Variants in ERCC8 observed in about 807,000 individuals in gnomAD.
ERCC8 encodes DNA excision repair protein ERCC-8.
A neutral mutation model predicts 54.9 loss-of-function variants in ERCC8; 52 were observed. The ratio of observed to expected loss-of-function variants is 0.95; its 90% CI spans 0.76 to 1.19. ERCC8 has a LOEUF of 1.19. ERCC8 is among the 50% of genes most tolerant of loss of function. The pLI is 0.00. For synonymous variants in ERCC8, 146 were observed against 157.2 expected, an observed-to-expected ratio of 0.93 and a Z score of 0.53; for missense variants, 514 against 466.1, an observed-to-expected ratio of 1.10 and a Z score of -0.95.
chr5:60,885,149 C>T (rs1748359195), intron 11 of ERCC8, among the ~76,000 whole-genome samples: 1 of 151,836 alleles, frequency 6.6e-6, no homozygotes, highest in South Asian at 2.1e-4. Context: ...GTAGCTGGAA[C>T]TATAAGTGTA....
chr5:60,875,304 T>A (rs1178470001), intron 11 of ERCC8, among the ~76,000 whole-genome samples: 1 of 152,218 alleles, frequency 6.6e-6, no homozygotes, highest in African/African-American at 2.4e-5. Context: ...CAGTAAAACA[T>A]GCAAAATACG....
At chr5:60,938,073 ATATATATATATATTTTATTTT>A (rs1750135387) in intron 1 of ERCC8, among the ~76,000 whole-genome samples, 3 of 30,668 alleles carry the variant, frequency 9.8e-5, no homozygotes, top group African/African-American at 6.0e-4. Flanking sequence ...ATATATATAT[ATATATATATATATTTTATTTT>A]TTTTTTTTTT....
At chr5:60,919,919 A>G (rs1749553893) in intron 3 of ERCC8, among the ~76,000 whole-genome samples, 1 of 151,978 alleles carries the variant, frequency 6.6e-6, no homozygotes, top group Admixed American at 6.6e-5. Flanking sequence ...AAATGGGTGG[A>G]TTGTAGGGAA....
chr5:60,901,065 A>G (rs1157397499), intron 7 of ERCC8, among the ~76,000 whole-genome samples: 1 of 152,036 alleles, frequency 6.6e-6, no homozygotes, highest in Non-Finnish European at 1.5e-5. Context: ...CAACTTAAAA[A>G]AAAATCCAGA....
chr5:60,895,301 A>G (rs1439067589), intron 9 of ERCC8, among the ~76,000 whole-genome samples: 1 of 152,112 alleles, frequency 6.6e-6, no homozygotes, highest in African/African-American at 2.4e-5. Context: ...TAATCTATGG[A>G]TACTATACTT....
intron 11 of ERCC8, among the ~76,000 whole-genome samples, chr5:60,886,886 AG>A (rs1343895003): frequency 2.0e-5 from 3 of 152,060 alleles, no homozygotes; most frequent in Non-Finnish European, 4.4e-5. Flanking sequence ...AATAATCAAC[AG>A]AAATGCCTCC....
At chr5:60,926,399 C>T (rs922968022) in intron 2 of ERCC8, among the ~76,000 whole-genome samples, 2 of 152,100 alleles carry the variant, frequency 1.3e-5, no homozygotes, top group African/African-American at 4.8e-5. Context: ...TATCTTGTGA[C>T]CCAGTCACAA....
chr5:60,936,248 G>T (rs1750062673), intron 1 of ERCC8, among the ~76,000 whole-genome samples: 1 of 152,052 alleles, frequency 6.6e-6, no homozygotes, highest in African/African-American at 2.4e-5. Context: ...AATCTAGGAG[G>T]GTTGCGTATT....
chr5:60,927,674 C>T (rs865869994), intron 2 of ERCC8, among the ~76,000 whole-genome samples: 1 of 152,164 alleles, frequency 6.6e-6, no homozygotes, highest in Non-Finnish European at 1.5e-5. Context: ...ACTTTCCTGA[C>T]CAGCATCCAA....
At chr5:60,878,335 T>C (rs1748083606) in intron 11 of ERCC8, among the ~76,000 whole-genome samples, 1 of 152,200 alleles carries the variant, frequency 6.6e-6, no homozygotes, top group African/African-American at 2.4e-5. Flanking sequence ...AAATTCTCTT[T>C]TTTTGTTGTG....
chr5:60,882,713 A>T (rs1280992635), intron 11 of ERCC8, among the ~76,000 whole-genome samples: 1 of 152,132 alleles, frequency 6.6e-6, no homozygotes, highest in Non-Finnish European at 1.5e-5. Flanking sequence ...ACCTCAGGTA[A>T]CTACTCACTG....
Position 60,868,327 on chromosome 5 carries a change from C to A in ERCC8, c.*6288G>T, listed in dbSNP as rs1477165193. 6.6e-6 allele frequency among the ~76,000 whole-genome samples: 1 copy of A among 152,168 alleles called. No homozygotes were observed. The highest frequency in any genetic ancestry group is 6.5e-5 in the Admixed American group (1 of 15,276). ...ACAGAGACACCCATTTCTTTCTAGA[C>A]CTCAGAAGAGCATGAACTCGGAGAG... On this transcript the variant is annotated 3_prime_UTR_variant, in exon 12 of 12. Transcript: ENST00000676185.
At chr5:60,941,935 T>G (rs1052443912) in intron 1 of ERCC8, among the ~76,000 whole-genome samples, 2 of 152,186 alleles carry the variant, frequency 1.3e-5, no homozygotes, top group African/African-American at 4.8e-5. Flanking sequence ...GAGTATATAA[T>G]GTATGTAAAT....
At position 60,887,475 on chromosome 5, in the gene ERCC8, G is replaced by A; in HGVS notation, c.1087C>T (p.Pro363Ser). The A allele has an allele frequency of 1.2e-6, 2 of 1,613,894 alleles. No individual in the cohort carries two copies. The highest frequency in any genetic ancestry group is 2.7e-5 in the African/African-American group (2 of 75,016). Reference protein sequence around the residue: ...SRDCNILAWVPSLYEPVPDDD... With the variant: ...SRDCNILAWVSSLYEPVPDDD... ...TCAGGAACTGGTTCATATAAGGATG[G>A]AACCCAAGCCAGAATGTTGCAGTCT... The change falls in exon 11 of 12, where the codon CCA becomes TCA. Residue 363 changes from proline to serine, a missense_variant. By Grantham distance (74) the Pro-to-Ser change is moderately conservative (BLOSUM62 -1). Transcript: ENST00000676185.
chr5:60,936,034 T>G (rs1750055608), intron 1 of ERCC8, among the ~76,000 whole-genome samples: 1 of 152,200 alleles, frequency 6.6e-6, no homozygotes, highest in African/African-American at 2.4e-5. Flanking sequence ...TAGCATGATA[T>G]TGGCTTCACA....
chr5:60,916,716 G>A (rs1387529988), intron 4 of ERCC8, among the ~76,000 whole-genome samples: 1 of 151,914 alleles, frequency 6.6e-6, no homozygotes, highest in African/African-American at 2.4e-5. Flanking sequence ...ATTATTAGAA[G>A]TATATTAAAT....
At chr5:60,940,939 A>G (rs2112550561) in intron 1 of ERCC8, among the ~76,000 whole-genome samples, 1 of 152,298 alleles carries the variant, frequency 6.6e-6, no homozygotes, top group South Asian at 2.1e-4. Context: ...GGGAAAAGAC[A>G]AACAAAACAA....
intron 11 of ERCC8, among the ~76,000 whole-genome samples, chr5:60,879,196 T>C (rs1258124613): frequency 1.3e-5 from 2 of 152,242 alleles, no homozygotes; most frequent in Admixed American, 1.3e-4. Context: ...AGTTTCTTAA[T>C]CCTGAGTTCT....
chr5:60,935,125 C>G, intron 1 of ERCC8, among the ~76,000 whole-genome samples: 1 of 152,088 alleles, frequency 6.6e-6, no homozygotes, highest in Non-Finnish European at 1.5e-5. Flanking sequence ...TTGTTTTTGG[C>G]AGTATGGTTA....
Sources: gnomAD v4.1 joint callset for allele counts (sites outside exome capture counted in the v4.1 genomes callset) on GRCh38, gnomAD v4.1.1 for gene constraint, MANE v1.5 for transcripts, NCBI Gene and HGNC (gene_info 2026-07-23, HGNC 2026-07-21) for gene names.